GPR107: variants seen among roughly 807,000 people sequenced by gnomAD.
The protein encoded by GPR107 is G protein-coupled receptor 107, also known as protein GPR107.
Under a neutral mutation model 75.5 loss-of-function variants are expected in GPR107, and 31 were observed. That is an observed-to-expected ratio of 0.41 (90% CI 0.31 to 0.55). The LOEUF (loss-of-function observed/expected upper bound fraction) is 0.55, where lower values mean the gene tolerates loss of function less well. Among genes scored for constraint, GPR107 ranks in the 20% least tolerant of loss-of-function variants. GPR107 has a pLI of 0.26. For missense variants in GPR107, 572 were observed against 665.7 expected (o/e 0.86, Z 1.55); for synonymous variants, 267 against 251.3 (o/e 1.06, Z -0.59).
chr9:130,127,333 G>A (rs1831712888), intron 15 of GPR107, 150 bp from the exon 16 acceptor site: 1 of 625,580 alleles, frequency 1.6e-6, no homozygotes, highest in East Asian at 2.7e-5. Context: ...TCTCTCCGCT[G>A]CACGTATTAA....
chr9:130,076,331 AC>A, intron 2 of GPR107, 80 bp from the exon 3 acceptor site: 1 of 857,294 alleles, frequency 1.2e-6, no homozygotes. Flanking sequence ...CGTTAGAAGT[AC>A]CACTTTTTCT....
intron 13 of GPR107, among the ~76,000 whole-genome samples, chr9:130,106,615 A>G (rs1831163200): frequency 1.2e-5 from 1 of 86,654 alleles, no homozygotes; most frequent in African/African-American, 4.9e-5. Flanking sequence ...AAATAAATAA[A>G]TAAATAATAA....
chr9:130,079,362 T>G (rs1032712392), intron 4 of GPR107, among the ~76,000 whole-genome samples: 1 of 152,382 alleles, frequency 6.6e-6, no homozygotes, highest in South Asian at 2.1e-4. Flanking sequence ...GAGAAAGATG[T>G]ACCTCAGAAT....
rs1831745735 is a variant in GPR107 at position 130,128,724 on chromosome 9, CT to C, written c.1528del (p.Ser510LeufsTer13). On this transcript the variant is annotated frameshift_variant, in exon 17 of 18. Coordinates refer to ENST00000347136, the MANE Select transcript of GPR107 (RefSeq NM_020960.5). LOFTEE classifies it high-confidence loss of function. Reference protein sequence around the residue: ...RPASDNPYLQLSQEEEDLEME... With the variant: ...RPASDNPYLQXSQEEEDLEME... ...GGCTTCAGATAACCCCTACCTACAA[CT>C]TTCTCAGGAAGAAGAAGACTTGGAA... 1 of 1,613,004 alleles carries C rather than the reference CT, an allele frequency of 6.2e-7. No homozygotes were observed. Among genetic ancestry groups the C allele is most frequent in the African/African-American group, 1.3e-5 (1 of 74,914 alleles).
intron 1 of GPR107, among the ~76,000 whole-genome samples, chr9:130,055,922 G>C (rs1406596916): frequency 6.6e-6 from 1 of 152,024 alleles, no homozygotes; most frequent in African/African-American, 2.4e-5. Flanking sequence ...ACTCCAGTCG[G>C]GGCGAAAGAA....
At chr9:130,124,098 G>T (rs148942125) in intron 14 of GPR107, among the ~76,000 whole-genome samples, 1 of 152,250 alleles carries the variant, frequency 6.6e-6, no homozygotes, top group East Asian at 1.9e-4. Flanking sequence ...CTCCCTCCCC[G>T]ACAACTAATC....
chr9:130,078,441 G>A (rs149280750), intron 4 of GPR107, among the ~76,000 whole-genome samples: 60 of 152,194 alleles, frequency 3.9e-4, no homozygotes, highest in African/African-American at 1.3e-3. Context: ...AATATTCTCC[G>A]TGATAACCTC....
intron 14 of GPR107, among the ~76,000 whole-genome samples, chr9:130,116,938 T>C (rs563013854): frequency 2.3e-4 from 28 of 119,598 alleles, no homozygotes; most frequent in African/African-American, 9.1e-4. Flanking sequence ...CAAATGTATA[T>C]TTGAAATGTA....
At chr9:130,071,734 A>T (rs753891061) in intron 1 of GPR107, among the ~76,000 whole-genome samples, 14 of 151,980 alleles carry the variant, frequency 9.2e-5, no homozygotes, top group Non-Finnish European at 1.5e-4. Context: ...CCCAGGCTGG[A>T]GTGCAATGGT....
chr9:130,056,411 C>T (rs964967018), intron 1 of GPR107, among the ~76,000 whole-genome samples: 1 of 151,846 alleles, frequency 6.6e-6, no homozygotes, highest in African/African-American at 2.4e-5. Context: ...GATTGAGCCC[C>T]TGTACTCCAG....
chr9:130,113,527 G>A (rs577784304), intron 14 of GPR107, among the ~76,000 whole-genome samples: 5 of 152,044 alleles, frequency 3.3e-5, no homozygotes, highest in African/African-American at 7.3e-5. Context: ...CACCACACCC[G>A]GCCAGTTTCC....
intron 9 of GPR107, among the ~76,000 whole-genome samples, chr9:130,094,176 G>A (rs1178223563): frequency 1.3e-5 from 2 of 152,166 alleles, no homozygotes; most frequent in African/African-American, 2.4e-5. Flanking sequence ...TGGGCGCGGT[G>A]GTACACGCCT....
intron 1 of GPR107, among the ~76,000 whole-genome samples, chr9:130,067,236 G>A (rs913285011): frequency 6.6e-6 from 1 of 152,142 alleles, no homozygotes; most frequent in Non-Finnish European, 1.5e-5. Context: ...AGCTTATTTG[G>A]GGAAAATGAA....
intron 14 of GPR107, among the ~76,000 whole-genome samples, chr9:130,110,658 C>G (rs1192031973): frequency 6.6e-6 from 1 of 152,256 alleles, no homozygotes; most frequent in Non-Finnish European, 1.5e-5. Context: ...AGAGCCAGAG[C>G]AGCCGTGTTC....
intron 5 of GPR107, among the ~76,000 whole-genome samples, chr9:130,080,839 T>C (rs1167591207): frequency 1.3e-5 from 2 of 150,696 alleles, no homozygotes; most frequent in African/African-American, 4.9e-5. Context: ...TTTTTCTCCA[T>C]GTGTTGATTA....
intron 14 of GPR107, among the ~76,000 whole-genome samples, chr9:130,114,364 G>A (rs1420041497): frequency 3.3e-5 from 5 of 151,798 alleles, no homozygotes; most frequent in Non-Finnish European, 7.4e-5. Flanking sequence ...GTAAGACTCC[G>A]TCTCGAAAAA....
intron 11 of GPR107, 30 bp downstream of exon 11, chr9:130,100,732 C>T: frequency 6.8e-7 from 1 of 1,470,448 alleles, no homozygotes; most frequent in Non-Finnish European, 9.5e-7. Flanking sequence ...TGAAATACAC[C>T]ATGAAATGAC....
intron 1 of GPR107, among the ~76,000 whole-genome samples, chr9:130,054,403 C>T (rs1829682761): frequency 6.6e-6 from 1 of 152,204 alleles, no homozygotes; most frequent in Non-Finnish European, 1.5e-5. Context: ...GATCGCCTTT[C>T]TTCTTTCTCC....
Position 130,112,070 on chromosome 9 carries a change from T to C in GPR107, c.1306+4531T>C, listed in dbSNP as rs1320705817. On this transcript the variant is annotated intron_variant, in intron 14 of 17. Transcript: ENST00000347136. The surrounding 1 kb of genome is among the most constrained non-coding windows in gnomAD (Gnocchi z 4.0). ...CTCTTTCTCCAGTGTCATTACCTTA[T>C]AGGACTGGCGTCGAGATACACACCG... Among the ~76,000 whole-genome samples, 2 of 152,234 alleles carry C rather than the reference T, an allele frequency of 1.3e-5. No homozygotes were observed. The highest frequency in any genetic ancestry group is 2.4e-5 in the African/African-American group (1 of 41,464).
Sources: gnomAD v4.1 joint callset for allele counts (sites outside exome capture counted in the v4.1 genomes callset) on GRCh38, gnomAD v4.1.1 for gene constraint, Gnocchi (gnomAD v3.1) non-coding constraint, MANE v1.5 for transcripts, NCBI Gene and HGNC (gene_info 2026-07-23, HGNC 2026-07-21) for gene names.